Variants in DIP2C observed in about 807,000 individuals in gnomAD.
DIP2C encodes disco-interacting protein 2 homolog C.
Under a neutral mutation model 192.4 loss-of-function variants are expected in DIP2C, and 33 were observed. The observed-to-expected ratio is 0.17, with a 90% CI of 0.13 to 0.23. DIP2C has a LOEUF of 0.23. Among genes scored for constraint, DIP2C ranks in the 10% least tolerant of loss-of-function variants. The probability of loss-of-function intolerance (pLI) is 1.00; values close to 1 mark genes in which losing one functional copy is unlikely to be tolerated. For missense variants in DIP2C, 1,537 were observed against 2,110.1 expected, an observed-to-expected ratio of 0.73 and a Z score of 5.32; for synonymous variants, 979 against 864.1, an observed-to-expected ratio of 1.13 and a Z score of -2.33.
At chr10:527,283 C>T (rs1564820281) in intron 1 of DIP2C, among the ~76,000 whole-genome samples, 1 of 152,178 alleles carries the variant, frequency 6.6e-6, no homozygotes, top group Non-Finnish European at 1.5e-5. Context: ...CCTGGCCTCC[C>T]GACCCTCCCC....
chr10:372,735 C>T (rs374915905), intron 17 of DIP2C, among the ~76,000 whole-genome samples: 412 of 151,774 alleles, frequency 2.7e-3, no homozygotes, highest in Middle Eastern at 6.8e-3. Flanking sequence ...AACACACAGG[C>T]GGGCACAGAA....
chr10:328,290 G>A (rs533980565), intron 30 of DIP2C, among the ~76,000 whole-genome samples: 1 of 152,220 alleles, frequency 6.6e-6, no homozygotes, highest in South Asian at 2.1e-4. Context: ...GCATGCAGCT[G>A]CAACAGCAGG....
rs966819383 is a variant in DIP2C, at chr10:548,209, C to CT, written c.86-61680_86-61679insA. 1.2e-3 allele frequency among the ~76,000 whole-genome samples: 43 copies of CT among 34,940 alleles called. 3 individuals carry two copies. The South Asian group carries it at 0.09, about 73-fold the overall frequency. The allele number at this position is 34,940 out of a possible 152,430, so 22.9% of individuals were successfully genotyped here. A position where few individuals can be genotyped will look rare whatever the true frequency, so the allele number is the denominator to read the frequency against. ...GTCCAATTCACACGAGTCTGCCCCA[C>CT]CCCCCCCCCCACAGGAAAGCCCTGG... is the stretch of plus-strand genomic sequence containing the variant. On this transcript the variant is annotated intron_variant, in intron 1 of 36. Coordinates refer to ENST00000280886, the MANE Select transcript of DIP2C (RefSeq NM_014974.3).
chr10:493,213 T>A (rs925957367), intron 1 of DIP2C, among the ~76,000 whole-genome samples: 56 of 152,298 alleles, frequency 3.7e-4, no homozygotes, highest in African/African-American at 1.3e-3. Flanking sequence ...CTGTCATAAC[T>A]TGCTAAAAAC....
chr10:318,944 G>A (rs1589463190), intron 31 of DIP2C, among the ~76,000 whole-genome samples: 1 of 146,910 alleles, frequency 6.8e-6, no homozygotes, highest in South Asian at 2.2e-4. Flanking sequence ...GGCTCTGTTT[G>A]CTCCGTCACC....
At chr10:417,153 C>CTT (rs1314468584) in intron 6 of DIP2C, among the ~76,000 whole-genome samples, 2 of 152,070 alleles carry the variant, frequency 1.3e-5, no homozygotes. Context: ...ATGAATCATA[C>CTT]CATTCCACCA....
intron 4 of DIP2C, among the ~76,000 whole-genome samples, 197 bp from the exon 5 acceptor site, chr10:423,230 A>C (rs1966331640): frequency 6.6e-6 from 1 of 152,234 alleles, no homozygotes; most frequent in Non-Finnish European, 1.5e-5. Context: ...TTCATCCAAC[A>C]CACCTTATAT....
chr10:362,340 C>A, intron 22 of DIP2C, 150 bp downstream of exon 22: 2 of 871,756 alleles, frequency 2.3e-6, no homozygotes, highest in Non-Finnish European at 3.4e-6. Flanking sequence ...CAAGTTGCCC[C>A]CACCCATTCT....
chr10:532,734 G>GGTGTGAGAGAGAGTATGGGT (rs1847479036), intron 1 of DIP2C, among the ~76,000 whole-genome samples: 1 of 111,910 alleles, frequency 8.9e-6, no homozygotes, highest in Non-Finnish European at 2.2e-5. Flanking sequence ...AGAGAGTATG[G>GGTGTGAGAGAGAGTATGGGT]GTGTGAGAGA....
rs138102205 is a variant in DIP2C, at chr10:685,830, G to A, written c.85+3664C>T. Among the ~76,000 whole-genome samples the A allele has an allele frequency of 2.0e-3, 304 of 152,032 alleles. 3 individuals carry two copies. Among genetic ancestry groups the A allele is most frequent in the African/African-American group, 6.6e-3 (272 of 41,450 alleles). On this transcript the variant is annotated intron_variant, in intron 1 of 36. Transcript: ENST00000280886. ...ACAAAAATTAGCCAGGTATTGTGGC[G>A]GGCACCTGTAATCCCAGCTACTCAA...
At position 414,017 on chromosome 10, in the gene DIP2C, G is replaced by A. The variant is rs1388032182; in HGVS notation, c.953C>T (p.Pro318Leu). 1.4e-5 allele frequency: 22 copies of A among 1,613,990 alleles called. No homozygotes were observed. The highest frequency in any genetic ancestry group is 3.3e-5 in the South Asian group (3 of 91,078). Residue 318 changes from proline (P) to leucine (L), a missense_variant, in exon 8 of 37, where the codon CCG becomes CTG. Coordinates refer to ENST00000280886, the MANE Select transcript of DIP2C (RefSeq NM_014974.3). ...EQLGVVTNWP[P>L]SLEAALQRWG... ...CCTCTGCAGTGCGGCCTCCAGCGAC[G>A]GCGGCCAGTTCGTGACCACGCCCAG...
Position 375,825 on chromosome 10 carries a change from CTCA to C in DIP2C, c.1992-6195_1992-6193del, listed in dbSNP as rs1340234072. ...CTGCACCTGCACAGCTTCAGTGCCGCTCATCATTTGCTGAATCCCTTAAGCAAG... is the reference window on the plus strand; with the variant it reads ...CTGCACCTGCACAGCTTCAGTGCCGCTCATTTGCTGAATCCCTTAAGCAAG... On this transcript the variant is annotated intron_variant, in intron 17 of 36. Coordinates refer to ENST00000280886, the MANE Select transcript of DIP2C (RefSeq NM_014974.3). 2.6e-5 allele frequency among the ~76,000 whole-genome samples: 4 copies of C among 152,042 alleles called. No individual in the cohort carries two copies. The East Asian group carries it at 5.8e-4, about 22-fold the overall frequency.
At chr10:416,363 G>A (rs761041491) in intron 6 of DIP2C, among the ~76,000 whole-genome samples, 3 of 151,876 alleles carry the variant, frequency 2.0e-5, no homozygotes, top group South Asian at 2.1e-4. Context: ...CGAGAACATC[G>A]GGCCGCTGAG....
intron 1 of DIP2C, among the ~76,000 whole-genome samples, chr10:688,609 C>T (rs1310983490): frequency 6.7e-6 from 1 of 150,270 alleles, no homozygotes; most frequent in Non-Finnish European, 1.5e-5. Flanking sequence ...CAGGATGAGC[C>T]CAGAGACGGC....
intron 1 of DIP2C, chr10:662,880 T>C: frequency 1.4e-6 from 1 of 717,594 alleles, no homozygotes; most frequent in Non-Finnish European, 2.6e-6. Context: ...AGCAGCAGCC[T>C]AGCCCCACGT....
In DIP2C at chr10:399,246, C is replaced by A. The variant is rs777994412; in HGVS notation, c.1150-27G>T. The A allele has an allele frequency of 1.9e-5, 30 of 1,597,252 alleles. No homozygotes were observed. The South Asian group carries it at 3.2e-4, about 17-fold the overall frequency. ...TGTGGGACAGGCCAGAGCGGGTCAG[C>A]ATTAACGTGGGGTCCTGGCTTCCTA... On this transcript the variant is annotated intron_variant, in intron 9 of 36. Coordinates refer to ENST00000280886, the MANE Select transcript of DIP2C (RefSeq NM_014974.3).
chr10:567,207 A>G (rs1849512611), intron 1 of DIP2C, among the ~76,000 whole-genome samples: 2 of 149,106 alleles, frequency 1.3e-5, no homozygotes, highest in Non-Finnish European at 3.0e-5. Flanking sequence ...TGTTTTTTTT[A>G]AGACACAATA....
At position 318,166 on chromosome 10, in the gene DIP2C, A is replaced by AC. The variant is rs201762106; in HGVS notation, c.3925-8075dup. On this transcript the variant is annotated intron_variant, in intron 31 of 36. Coordinates refer to ENST00000280886, the MANE Select transcript of DIP2C (RefSeq NM_014974.3). ...GCGAAAGGGAGGGGTGGGAGCAGCCACCGCTGCCACACTTTGGTCACCATA... is the reference window on the plus strand; with the variant it reads ...GCGAAAGGGAGGGGTGGGAGCAGCCACCCGCTGCCACACTTTGGTCACCATA... Among the ~76,000 whole-genome samples the AC allele has an allele frequency of 1.2e-3, 176 of 152,228 alleles. 1 individual carries two copies. Among genetic ancestry groups the AC allele is most frequent in the African/African-American group, 4.0e-3 (165 of 41,536 alleles).
intron 1 of DIP2C, among the ~76,000 whole-genome samples, chr10:539,616 T>C (rs1847871748): frequency 6.6e-6 from 1 of 152,254 alleles, no homozygotes; most frequent in Admixed American, 6.5e-5. Context: ...TCTAATCTTT[T>C]GTTAAGAAAT....
Sources: allele counts gnomAD v4.1 joint callset (sites outside exome capture counted in the v4.1 genomes callset), GRCh38; gene constraint gnomAD v4.1.1; transcripts MANE v1.5; gene names NCBI Gene and HGNC (gene_info 2026-07-23, HGNC 2026-07-21).